The following PRDM2 variants were observed in gnomAD, a reference collection of about 807,000 sequenced individuals.
PRDM2 encodes PR/SET domain 2, also known as PR domain zinc finger protein 2.
Under a neutral mutation model 130.0 loss-of-function variants are expected in PRDM2, and 30 were observed. The ratio of observed to expected loss-of-function variants is 0.23; its 90% confidence interval spans 0.17 to 0.31. The LOEUF (loss-of-function observed/expected upper bound fraction) is 0.31, where lower values mean the gene tolerates loss of function less well. Ranked by LOEUF, PRDM2 falls within the 10% of genes least tolerant of loss-of-function variation. The pLI is 1.00. For missense variants in PRDM2, 2,011 were observed against 2,108.4 expected (o/e 0.95, Z 0.90); for synonymous variants, 871 against 782.4 (o/e 1.11, Z -1.89).
Position 13,700,838 on chromosome 1 carries a change from A to G in PRDM2, c.-66+538A>G, listed in dbSNP as rs1233627894. Among the ~76,000 whole-genome samples the G allele has an allele frequency of 3.3e-5, 5 of 152,154 alleles. No homozygotes were observed. The East Asian group carries it at 9.7e-4, about 29-fold the overall frequency. On this transcript the variant is annotated intron_variant, in intron 1 of 9. Coordinates refer to ENST00000311066, the MANE Select transcript of PRDM2 (RefSeq NM_001393986.1). Reference sequence around the variant, plus strand: ...TTTAACCTGGAGATTGTCTCCCTCAATGTTCCCATAGACCCACGGGTGTAT... The same window carrying G: ...TTTAACCTGGAGATTGTCTCCCTCAGTGTTCCCATAGACCCACGGGTGTAT...
At position 13,780,931 on chromosome 1, in the gene PRDM2, C is replaced by T. The variant is rs1644597957; in HGVS notation, c.3136C>T (p.Pro1046Ser). The T allele has an allele frequency of 1.2e-6, 2 of 1,612,414 alleles. No individual in the cohort carries two copies. Among genetic ancestry groups the T allele is most frequent in the African/African-American group, 1.3e-5 (1 of 74,776 alleles). ...PVEPLMSAASPGPPTLSSSSS... is the reference protein window; with the variant it reads ...PVEPLMSAASSGPPTLSSSSS... ...GGAGCCCCTGATGTCTGCCGCCTCA[C>T]CCGGGCCTCCAACACTTTCTTCTTC... The change falls in exon 8 of 10, where the codon CCC becomes TCC. Residue 1046 changes from proline (P) to serine (S), a missense_variant. Physicochemically the swap from Pro to Ser is moderately conservative, Grantham distance 74 (BLOSUM62 -1). Transcript: ENST00000311066.
At chr1:13,789,087 A>G (rs902309233) in intron 8 of PRDM2, among the ~76,000 whole-genome samples, 1 of 152,208 alleles carries the variant, frequency 6.6e-6, no homozygotes, top group Non-Finnish European at 1.5e-5. Flanking sequence ...TGCCTGGAAC[A>G]TGACAGGGAC....
chr1:13,774,054 CTTA>C (rs775917648), intron 7 of PRDM2, among the ~76,000 whole-genome samples: 6 of 152,142 alleles, frequency 3.9e-5, no homozygotes, highest in African/African-American at 1.2e-4. Flanking sequence ...AATTTAAATT[CTTA>C]TTTTGTCTCT....
rs2100635734 is a variant in PRDM2 at position 13,773,178 on chromosome 1, T to G, written c.612T>G (p.Asp204Glu). The G allele has an allele frequency of 1.3e-6, 2 of 1,551,222 alleles. No individual in the cohort carries two copies. The highest frequency in any genetic ancestry group is 1.4e-5 in the African/African-American group (1 of 72,370). ...ATTTCACCTCTGCAAATATGAGAGA[T>G]TCTGCAGAAGGTAAGCTTGTGATAT... ...EPDFTSANMR[D>E]SAEGPKEDEE... The change falls in exon 7 of 10, where the codon GAT (aspartate) becomes GAG (glutamate). Residue 204 changes from aspartate (D) to glutamate (E), a missense_variant. By Grantham distance (45) the Asp-to-Glu change is conservative (BLOSUM62 2). Around this residue, in one of 5 missense-constraint regions of PRDM2, gnomAD observed 1,288 missense variants for 1,237.7 expected, o/e 1.04. Transcript: ENST00000311066.
At chr1:13,720,479 T>C (rs927054582) in intron 2 of PRDM2, among the ~76,000 whole-genome samples, 4 of 152,022 alleles carry the variant, frequency 2.6e-5, no homozygotes, top group African/African-American at 9.7e-5. Context: ...AAGGACAGAG[T>C]AGACTTTGCC....
chr1:13,799,627 T>C (rs1479514211), intron 8 of PRDM2, among the ~76,000 whole-genome samples: 1 of 152,218 alleles, frequency 6.6e-6, no homozygotes, highest in African/African-American at 2.4e-5. Flanking sequence ...TCATTGCCTC[T>C]GGAAATCCTG....
At chr1:13,801,863 A>G (rs955177263) in intron 8 of PRDM2, among the ~76,000 whole-genome samples, 1 of 152,294 alleles carries the variant, frequency 6.6e-6, no homozygotes, top group South Asian at 2.1e-4. Context: ...GGTCTCCCCA[A>G]ATAGTGCCTG....
intron 4 of PRDM2, among the ~76,000 whole-genome samples, chr1:13,739,208 G>A (rs1043587724): frequency 6.6e-6 from 1 of 151,770 alleles, no homozygotes; most frequent in Non-Finnish European, 1.5e-5. Flanking sequence ...CACCACGCCC[G>A]GCTAATTTTT....
At chr1:13,713,104 T>TG (rs1259270996) in intron 1 of PRDM2, among the ~76,000 whole-genome samples, 1 of 152,084 alleles carries the variant, frequency 6.6e-6, no homozygotes, top group East Asian at 1.9e-4. Flanking sequence ...TCCTTCTCAA[T>TG]CCTTCTCTGA....
In PRDM2 at chr1:13,771,882, A is replaced by G. The variant is rs1459519756; in HGVS notation, c.512-1196A>G. 1 of 152,106 alleles carries G rather than the reference A, an allele frequency of 6.6e-6. No individual in the cohort carries two copies. The highest frequency in any genetic ancestry group is 1.9e-4 in the East Asian group (1 of 5,196). 9.4% of individuals were successfully genotyped at this position (152,106 alleles called of 1,614,324 possible). A position where few individuals can be genotyped will look rare whatever the true frequency, so the allele number is the denominator to read the frequency against. The stretch of plus-strand genomic sequence containing the variant: ...TTGTTTTTGCTTTGTATTGTATTTG[A>G]TGTTTCTACTTTTAATCTAGATGTT... On this transcript the variant is annotated intron_variant, in intron 6 of 9. Coordinates refer to ENST00000311066, the MANE Select transcript of PRDM2 (RefSeq NM_001393986.1). The surrounding 1 kb of genome is among the most constrained non-coding windows in gnomAD (Gnocchi z 4.1).
Position 13,796,599 on chromosome 1 carries a change from T to TA in PRDM2, c.5036+13774dup, listed in dbSNP as rs200058525. 4.6e-3 allele frequency among the ~76,000 whole-genome samples: 692 copies of TA among 151,876 alleles called. 7 individuals carry two copies. Among genetic ancestry groups the TA allele is most frequent in the African/African-American group, 0.015 (614 of 41,374 alleles). On this transcript the variant is annotated intron_variant, in intron 8 of 9. Transcript: ENST00000311066. ...AGTGAGACCCCATCTCTACAAGAAATAAAAAAGCCAGGTACAGTGGCACAC... is the reference window on the plus strand; with the variant it reads ...AGTGAGACCCCATCTCTACAAGAAATAAAAAAAGCCAGGTACAGTGGCACAC...
intron 6 of PRDM2, among the ~76,000 whole-genome samples, chr1:13,756,262 CAAAA>C (rs1288638873): frequency 1.3e-5 from 1 of 79,664 alleles, no homozygotes. Flanking sequence ...GACTCCTTCT[CAAAA>C]AAAAAAAAAA....
intron 8 of PRDM2, among the ~76,000 whole-genome samples, chr1:13,790,742 C>T (rs981864662): frequency 7.1e-6 from 1 of 140,444 alleles, no homozygotes; most frequent in African/African-American, 2.5e-5. Flanking sequence ...CGAAACTGCT[C>T]CTTGGTGCCA....
intron 8 of PRDM2, among the ~76,000 whole-genome samples, chr1:13,808,069 A>G (rs1645112287): frequency 6.6e-6 from 1 of 152,162 alleles, no homozygotes; most frequent in Non-Finnish European, 1.5e-5. Flanking sequence ...GAGGCCAGAC[A>G]CTTCTGGGCA....
chr1:13,724,493 A>T (rs1569748447), intron 2 of PRDM2, among the ~76,000 whole-genome samples: 1 of 144,086 alleles, frequency 6.9e-6, no homozygotes, highest in South Asian at 2.2e-4. Context: ...ATTCCTTTTC[A>T]TGGCTTTTTT....
At chr1:13,821,618 C>G (rs1645353266) in intron 9 of PRDM2, among the ~76,000 whole-genome samples, 1 of 151,936 alleles carries the variant, frequency 6.6e-6, no homozygotes, top group Admixed American at 6.6e-5. Context: ...CCCACCATCA[C>G]TAATGTATTT....
intron 1 of PRDM2, 86 bp from the exon 2 acceptor site, chr1:13,715,455 G>T: frequency 1.9e-6 from 1 of 523,562 alleles, no homozygotes; most frequent in Non-Finnish European, 3.2e-6. Context: ...AGCCCTTTCA[G>T]CAAACTCTAC....
At position 13,771,394 on chromosome 1, in the gene PRDM2, A is replaced by G. The variant is rs1644356335; in HGVS notation, c.512-1684A>G. ...CAGGAATTTATTTGCTCAAACCCTG[A>G]TAAACGTAGTGGCAAAAACATCGGA... On this transcript the variant is annotated intron_variant, in intron 6 of 9. Transcript: ENST00000311066. The surrounding 1 kb of genome is among the most constrained non-coding windows in gnomAD (Gnocchi z 4.1). Among the ~76,000 whole-genome samples, 1 of 152,234 alleles carries G rather than the reference A, an allele frequency of 6.6e-6. No individual in the cohort carries two copies. The highest frequency in any genetic ancestry group is 2.1e-4 in the South Asian group (1 of 4,828).
chr1:13,810,005 A>G (rs1570111645), intron 8 of PRDM2, among the ~76,000 whole-genome samples: 1 of 152,226 alleles, frequency 6.6e-6, no homozygotes, highest in Middle Eastern at 3.4e-3. Flanking sequence ...TCTTCTTACA[A>G]GGCACAAGCA....
Sources: allele counts gnomAD v4.1 joint callset (sites outside exome capture counted in the v4.1 genomes callset), GRCh38; gene constraint gnomAD v4.1.1; regional missense constraint gnomAD v4.1.1; non-coding constraint Gnocchi (gnomAD v3.1); transcripts MANE v1.5; gene names NCBI Gene and HGNC (gene_info 2026-07-23, HGNC 2026-07-21).